GLI2: variants seen among roughly 807,000 people sequenced by gnomAD.
GLI2 encodes GLI family zinc finger 2, also known as transcription activator GLI2.
Under a neutral mutation model 78.9 loss-of-function variants are expected in GLI2, and 22 were observed. That is an observed-to-expected ratio of 0.28 (90% CI 0.20 to 0.40). GLI2 has a LOEUF of 0.40. Ranked by LOEUF, GLI2 falls within the 10% of genes least tolerant of loss-of-function variation. The pLI, the probability that GLI2 is intolerant of heterozygous loss-of-function variation, is 1.00. For missense variants in GLI2, 2,097 were observed against 2,213.2 expected (o/e 0.95, Z 1.05); for synonymous variants, 974 against 963.7 (o/e 1.01, Z -0.20).
intron 1 of GLI2, among the ~76,000 whole-genome samples, chr2:120,793,275 G>A (rs924802187): frequency 5.9e-5 from 9 of 152,324 alleles, no homozygotes; most frequent in Middle Eastern, 3.4e-3. Context: ...TTTGGACAGC[G>A]GCAGAGCTGT....
At position 120,795,136 on chromosome 2, in the gene GLI2, C is replaced by T. The variant is rs141391024; in HGVS notation, c.-30-2155C>T. Among the ~76,000 whole-genome samples the T allele has an allele frequency of 2.7e-3, 416 of 152,266 alleles. 3 individuals carry two copies. Among genetic ancestry groups the T allele is most frequent in the African/African-American group, 9.3e-3 (388 of 41,546 alleles). On this transcript the variant is annotated intron_variant, in intron 1 of 13. Coordinates refer to ENST00000361492, the MANE Select transcript of GLI2 (RefSeq NM_001374353.1). ...GTAGTCCCAGCTGAGGTGAGAGGAT[C>T]CCTTGAGCCCAGGAGTTTGAGGCTG...
intron 2 of GLI2, among the ~76,000 whole-genome samples, chr2:120,896,637 A>G (rs1000058374): frequency 1.5e-5 from 2 of 132,192 alleles, no homozygotes; most frequent in African/African-American, 6.9e-5. Flanking sequence ...AAAAACACAC[A>G]TACACACACA....
intron 1 of GLI2, among the ~76,000 whole-genome samples, chr2:120,795,059 T>G (rs1684321714): frequency 6.6e-6 from 1 of 152,096 alleles, no homozygotes; most frequent in Non-Finnish European, 1.5e-5. Flanking sequence ...TGTGGGAGTA[T>G]TGTGTGGATT....
At chr2:120,842,904 C>T in intron 2 of GLI2, among the ~76,000 whole-genome samples, 1 of 152,192 alleles carries the variant, frequency 6.6e-6, no homozygotes, top group East Asian at 1.9e-4. Context: ...GAAATGAATA[C>T]ATTCCATGAG....
chr2:120,877,262 C>G (rs2104697744), intron 2 of GLI2, among the ~76,000 whole-genome samples: 1 of 152,324 alleles, frequency 6.6e-6, no homozygotes, highest in South Asian at 2.1e-4. Context: ...AATGCACAGA[C>G]CCTGGGTCAC....
intron 4 of GLI2, among the ~76,000 whole-genome samples, chr2:120,954,363 A>C (rs533034504): frequency 1.3e-5 from 2 of 152,196 alleles, no homozygotes; most frequent in African/African-American, 4.8e-5. Context: ...GTGGGCGATC[A>C]GCCTGGCTGG....
At chr2:120,984,130 G>A (rs1006760447) in intron 11 of GLI2, among the ~76,000 whole-genome samples, 1 of 152,150 alleles carries the variant, frequency 6.6e-6, no homozygotes, top group African/African-American at 2.4e-5. Context: ...GGTACACTGA[G>A]CTCGTACACT....
At chr2:120,834,083 G>A (rs1299373975) in intron 2 of GLI2, among the ~76,000 whole-genome samples, 1 of 152,156 alleles carries the variant, frequency 6.6e-6, no homozygotes, top group African/African-American at 2.4e-5. Context: ...ATCTTGCCCA[G>A]CATCCTCTGC....
chr2:120,933,186 C>T (rs1483580076), intron 3 of GLI2, among the ~76,000 whole-genome samples: 1 of 152,122 alleles, frequency 6.6e-6, no homozygotes, highest in Non-Finnish European at 1.5e-5. Context: ...GTGAGGACAG[C>T]CTTGCAGCCC....
chr2:120,736,638 G>A (rs1475850471), intron 1 of GLI2, among the ~76,000 whole-genome samples: 1 of 151,984 alleles, frequency 6.6e-6, no homozygotes, highest in Non-Finnish European at 1.5e-5. Flanking sequence ...TTTTTTCAGG[G>A]GGTGGAGGGT....
intron 1 of GLI2, among the ~76,000 whole-genome samples, chr2:120,738,173 G>C (rs1682427332): frequency 6.6e-6 from 1 of 151,826 alleles, no homozygotes; most frequent in African/African-American, 2.4e-5. Context: ...CTTTATTTAG[G>C]CTTTTCCCAG....
At chr2:120,793,595 T>C (rs1451330623) in intron 1 of GLI2, among the ~76,000 whole-genome samples, 1 of 152,180 alleles carries the variant, frequency 6.6e-6, no homozygotes, top group Non-Finnish European at 1.5e-5. Flanking sequence ...GCCTCTTGGC[T>C]CTGTGTACTA....
chr2:120,909,822 G>T (rs113909818), intron 2 of GLI2, among the ~76,000 whole-genome samples: 1 of 152,160 alleles, frequency 6.6e-6, no homozygotes, highest in African/African-American at 2.4e-5. Context: ...CTGAGATCAC[G>T]CCACTGCACT....
intron 2 of GLI2, among the ~76,000 whole-genome samples, chr2:120,892,252 C>T (rs72955331): frequency 0.17 from 25,368 of 152,162 alleles, 2,583 homozygotes; most frequent in African/African-American, 0.29. Flanking sequence ...GTTTGTTTCA[C>T]GAGAGGTTTC....
rs1016691104 is a variant in GLI2, at chr2:120,829,865, T to C, written c.148+32397T>C. Among the ~76,000 whole-genome samples, 41 of 152,198 alleles carry C rather than the reference T, an allele frequency of 2.7e-4. No individual in the cohort carries two copies. The East Asian group carries it at 6.8e-3, about 25-fold the overall frequency. On this transcript the variant is annotated intron_variant, in intron 2 of 13. Coordinates refer to ENST00000361492, the MANE Select transcript of GLI2 (RefSeq NM_001374353.1). ...AGAGGGAAGTGCAGGGCTGAGTTCA[T>C]GTAAGTTCTGCAAGCAAGTTCTGGT...
At chr2:120,972,791 C>A (rs1287990904) in intron 8 of GLI2, 1 of 466,428 alleles carries the variant, frequency 2.1e-6, no homozygotes, top group Non-Finnish European at 4.3e-6. Flanking sequence ...GCGGAGCAGC[C>A]CACAGCCCAG....
intron 2 of GLI2, among the ~76,000 whole-genome samples, chr2:120,859,932 C>T (rs557474259): frequency 5.9e-5 from 9 of 152,282 alleles, no homozygotes; most frequent in East Asian, 5.8e-4. Flanking sequence ...CGATGACAGG[C>T]GTGAGCCACC....
chr2:120,960,284 C>T (rs995139044), intron 5 of GLI2, among the ~76,000 whole-genome samples: 3 of 152,142 alleles, frequency 2.0e-5, no homozygotes, highest in African/African-American at 7.2e-5. Context: ...CACCTTCATT[C>T]ATGGTCCCAG....
At chr2:120,939,399 G>C (rs567292840) in intron 3 of GLI2, among the ~76,000 whole-genome samples, 2 of 152,062 alleles carry the variant, frequency 1.3e-5, no homozygotes, top group African/African-American at 4.8e-5. Context: ...GAGGTCCCGT[G>C]TGCTCCCCAA....
Sources: allele counts gnomAD v4.1 joint callset (sites outside exome capture counted in the v4.1 genomes callset), GRCh38; gene constraint gnomAD v4.1.1; transcripts MANE v1.5; gene names NCBI Gene and HGNC (gene_info 2026-07-23, HGNC 2026-07-21).